The following PLXNA4 variants were observed in gnomAD, a reference collection of about 807,000 sequenced individuals.
The protein encoded by PLXNA4 is plexin-A4.
Under a neutral mutation model 191.8 loss-of-function variants are expected in PLXNA4, and 44 were observed. The observed-to-expected ratio is 0.23, with a 90% CI of 0.18 to 0.29. The LOEUF is 0.29. PLXNA4 is among the 10% of genes least tolerant of loss of function. PLXNA4 has a pLI of 1.00. For missense variants in PLXNA4, 1,800 were observed against 2,488.8 expected (o/e 0.72, Z 5.89); for synonymous variants, 1,082 against 1,009.5 (o/e 1.07, Z -1.36).
chr7:132,409,219 G>A (rs1585097048), intron 3 of PLXNA4, among the ~76,000 whole-genome samples: 2 of 152,134 alleles, frequency 1.3e-5, no homozygotes, highest in African/African-American at 4.8e-5. Flanking sequence ...TTAGGGAGGT[G>A]GGGGCTCAGC....
At chr7:132,216,430 C>T (rs1213219057) in intron 9 of PLXNA4, among the ~76,000 whole-genome samples, 1 of 152,108 alleles carries the variant, frequency 6.6e-6, no homozygotes, top group East Asian at 1.9e-4. Context: ...GGGAGGTGGG[C>T]CTCCAAGGGG....
At chr7:132,145,056 C>A (rs1795378701) in intron 29 of PLXNA4, 63 bp downstream of exon 29, 1 of 1,610,900 alleles carries the variant, frequency 6.2e-7, no homozygotes, top group South Asian at 1.1e-5. Context: ...GTCCCACCAC[C>A]ATTAACTTGA....
At chr7:132,317,194 T>C (rs2116616120) in intron 3 of PLXNA4, among the ~76,000 whole-genome samples, 1 of 152,232 alleles carries the variant, frequency 6.6e-6, no homozygotes, top group South Asian at 2.1e-4. Flanking sequence ...TTAAATGTAA[T>C]TGGATTGGGT....
intron 1 of PLXNA4, among the ~76,000 whole-genome samples, chr7:132,525,606 C>T (rs570496421): frequency 6.6e-6 from 1 of 152,288 alleles, no homozygotes; most frequent in South Asian, 2.1e-4. Context: ...CTCTGGTTTA[C>T]AGTTGCCAGT....
At chr7:132,164,945 C>G (rs567306757) in intron 23 of PLXNA4, among the ~76,000 whole-genome samples, 189 bp downstream of exon 23, 90 of 152,336 alleles carry the variant, frequency 5.9e-4, no homozygotes, top group African/African-American at 2.1e-3. Flanking sequence ...AAGACTGTGT[C>G]TTTGGAGCTA....
At chr7:132,528,643 G>A (rs1325877260) in intron 1 of PLXNA4, among the ~76,000 whole-genome samples, 1 of 152,206 alleles carries the variant, frequency 6.6e-6, no homozygotes, top group Non-Finnish European at 1.5e-5. Flanking sequence ...ACTCATGTGA[G>A]GGAGCACCTC....
chr7:132,206,218 T>C (rs1023579086), intron 10 of PLXNA4, among the ~76,000 whole-genome samples: 7 of 152,242 alleles, frequency 4.6e-5, no homozygotes, highest in African/African-American at 1.7e-4. Context: ...ATGCACAGCA[T>C]GCTCCGAGCA....
chr7:132,508,722 G>C lies in PLXNA4; in HGVS notation c.-29C>G. On this transcript the variant is annotated 5_prime_UTR_variant, in exon 2 of 32. Transcript: ENST00000321063. The surrounding 1 kb of genome is among the most constrained non-coding windows in gnomAD (Gnocchi z 4.4). ...AGAGGCGGGTCCCAGTGGCACAGCA[G>C]CACTCAGGCACAGTCGTCCCCTCAG... The C allele has an allele frequency of 6.8e-7, 1 of 1,474,846 alleles. No individual in the cohort carries two copies. Among genetic ancestry groups the C allele is most frequent in the East Asian group, 2.5e-5 (1 of 40,450 alleles). The allele number at this position is 1,474,846 out of a possible 1,614,324, so 91.4% of individuals were successfully genotyped here.
chr7:132,157,171 A>G (rs918407974), intron 25 of PLXNA4, among the ~76,000 whole-genome samples: 3 of 152,204 alleles, frequency 2.0e-5, no homozygotes, highest in Non-Finnish European at 4.4e-5. Context: ...TTGAACATTC[A>G]TGGTGAGCAC....
At chr7:132,465,191 C>A (rs935888084) in intron 3 of PLXNA4, among the ~76,000 whole-genome samples, 2 of 152,296 alleles carry the variant, frequency 1.3e-5, no homozygotes, top group Non-Finnish European at 2.9e-5. Context: ...TAGACCCCCC[C>A]ACCAGGCAGT....
chr7:132,261,759 G>T (rs1289109975), intron 4 of PLXNA4, among the ~76,000 whole-genome samples: 1 of 152,182 alleles, frequency 6.6e-6, no homozygotes, highest in African/African-American at 2.4e-5. Flanking sequence ...ACATCCTCTG[G>T]GTAGCAGCCA....
intron 4 of PLXNA4, among the ~76,000 whole-genome samples, chr7:132,257,062 C>T (rs1223535969): frequency 6.6e-6 from 1 of 152,210 alleles, no homozygotes; most frequent in Non-Finnish European, 1.5e-5. Flanking sequence ...GCGACTTGCT[C>T]AAGGTCACGC....
chr7:132,349,129 G>A (rs1803375849), intron 3 of PLXNA4, among the ~76,000 whole-genome samples: 2 of 152,290 alleles, frequency 1.3e-5, no homozygotes, highest in South Asian at 4.1e-4. Context: ...AGGACCACAT[G>A]TTTGAGCTTT....
chr7:132,335,821 TC>T (rs1006595955), intron 3 of PLXNA4, among the ~76,000 whole-genome samples: 1 of 152,202 alleles, frequency 6.6e-6, no homozygotes, highest in African/African-American at 2.4e-5. Context: ...TGCACCTGGA[TC>T]TGCAGGTCTG....
intron 23 of PLXNA4, 142 bp downstream of exon 23, chr7:132,164,992 A>ATGAT: frequency 7.8e-7 from 1 of 1,286,646 alleles, no homozygotes; most frequent in Non-Finnish European, 1.0e-6. Context: ...TAGACAGTCC[A>ATGAT]TGATAAGGAT....
chr7:132,405,510 C>T (rs899465691), intron 3 of PLXNA4, among the ~76,000 whole-genome samples: 1 of 152,104 alleles, frequency 6.6e-6, no homozygotes, highest in African/African-American at 2.4e-5. Context: ...ATGGAGAGTC[C>T]TGGTTACTGC....
chr7:132,211,200 C>T, intron 9 of PLXNA4, 57 bp from the exon 10 acceptor site: 1 of 1,508,656 alleles, frequency 6.6e-7, no homozygotes, highest in Non-Finnish European at 9.0e-7. Flanking sequence ...TGAGCAAGGA[C>T]CTCTGCAGAC....
chr7:132,470,810 G>A (rs775484359), intron 3 of PLXNA4, among the ~76,000 whole-genome samples: 1 of 152,138 alleles, frequency 6.6e-6, no homozygotes, highest in Non-Finnish European at 1.5e-5. Flanking sequence ...TTTAGAAGCT[G>A]AAAAAGACAG....
In PLXNA4 at chr7:132,202,576, G is replaced by A. The variant is rs949465472; in HGVS notation, c.2586+70C>T. 1.2e-5 allele frequency: 17 copies of A among 1,364,634 alleles called. No homozygotes were observed. The East Asian group carries it at 4.4e-4, about 35-fold the overall frequency. 84.5% of individuals were successfully genotyped at this position (1,364,634 alleles called of 1,614,324 possible). A position where few individuals can be genotyped will look rare whatever the true frequency, so the allele number is the denominator to read the frequency against. On this transcript the variant is annotated intron_variant, in intron 12 of 31. Transcript: ENST00000321063. ...GTGACCGACACCACGGCTGGGCAGAGTTTCCACAGGGTGTGGCACAGCAGC... is the reference window on the plus strand; with the variant it reads ...GTGACCGACACCACGGCTGGGCAGAATTTCCACAGGGTGTGGCACAGCAGC...
Sources: gnomAD v4.1 joint callset for allele counts (sites outside exome capture counted in the v4.1 genomes callset) on GRCh38, gnomAD v4.1.1 for gene constraint, Gnocchi (gnomAD v3.1) non-coding constraint, MANE v1.5 for transcripts, NCBI Gene and HGNC (gene_info 2026-07-23, HGNC 2026-07-21) for gene names.